Variants in STPG2 observed in about 807,000 individuals in gnomAD.
STPG2 encodes sperm tail PG-rich repeat containing 2.
A neutral mutation model predicts 54.2 loss-of-function variants in STPG2; 56 were observed. The observed-to-expected ratio is 1.03, with a 90% CI of 0.83 to 1.29. The LOEUF is 1.29. Ranked by LOEUF, STPG2 falls within the 50% of genes most tolerant of loss-of-function variation. STPG2 has a pLI of 0.00. For synonymous variants in STPG2, 200 were observed against 181.8 expected (o/e 1.10, Z -0.81); for missense variants, 596 against 544.9 (o/e 1.09, Z -0.93).
intron 4 of STPG2, among the ~76,000 whole-genome samples, chr4:97,512,554 TGA>T (rs921766996): frequency 2.7e-5 from 4 of 148,030 alleles, no homozygotes; most frequent in African/African-American, 7.5e-5. Flanking sequence ...GAAAAGAAAC[TGA>T]GAAGAAGGGA....
At chr4:97,739,532 A>T (rs1385493274) in intron 9 of STPG2, among the ~76,000 whole-genome samples, 1 of 152,248 alleles carries the variant, frequency 6.6e-6, no homozygotes, top group Non-Finnish European at 1.5e-5. Flanking sequence ...TAAAGGGGAT[A>T]TCACCACTGG....
At chr4:97,968,609 C>T (rs1019155135) in intron 7 of STPG2, among the ~76,000 whole-genome samples, 1 of 152,086 alleles carries the variant, frequency 6.6e-6, no homozygotes. Context: ...GGCTTCATCC[C>T]TGAGATGCAA....
chr4:97,771,217 G>C (rs954528325), intron 9 of STPG2, among the ~76,000 whole-genome samples: 21 of 152,130 alleles, frequency 1.4e-4, no homozygotes, highest in African/African-American at 5.1e-4. Context: ...TCAATATCAG[G>C]TCAATCCAGA....
At chr4:98,070,512 G>C (rs1230680200) in intron 5 of STPG2, among the ~76,000 whole-genome samples, 1 of 151,940 alleles carries the variant, frequency 6.6e-6, no homozygotes, top group African/African-American at 2.4e-5. Flanking sequence ...AGAAGTTCTG[G>C]CCAGGGCAAT....
rs188040858 is a variant in STPG2 at position 97,444,441 on chromosome 4, T to C, written c.463-256608A>G. On this transcript the variant is annotated intron_variant, in intron 4 of 4. Transcript: ENST00000522676. ...ACATTACCTTCAAAGGAAAGACACT[T>C]CATTAGAAACTATAGAGGGCAGAAA... is the stretch of plus-strand genomic sequence containing the variant. Among the ~76,000 whole-genome samples, 280 of 152,268 alleles carry C rather than the reference T, an allele frequency of 1.8e-3. 1 individual carries two copies. Among genetic ancestry groups the C allele is most frequent in the African/African-American group, 6.4e-3 (267 of 41,562 alleles).
rs1183626569 is a variant in STPG2 at position 97,949,637 on chromosome 4, A to C, written c.934-5630T>G. Among the ~76,000 whole-genome samples, 3 of 151,890 alleles carry C rather than the reference A, an allele frequency of 2.0e-5. No individual in the cohort carries two copies. The East Asian group carries it at 5.8e-4, about 29-fold the overall frequency. ...GTTTTCTCAGCACTTATTTGTCTGAAAATGACGTAGTTTTGCTGGATACAA... is the reference window on the plus strand; with the variant it reads ...GTTTTCTCAGCACTTATTTGTCTGACAATGACGTAGTTTTGCTGGATACAA... On this transcript the variant is annotated intron_variant, in intron 7 of 10. Transcript: ENST00000295268.
chr4:98,043,349 T>C (rs1196682233), intron 5 of STPG2, among the ~76,000 whole-genome samples: 1 of 152,086 alleles, frequency 6.6e-6, no homozygotes, highest in Non-Finnish European at 1.5e-5. Flanking sequence ...TTAATAAAGA[T>C]TTACTATTGC....
intron 5 of STPG2, among the ~76,000 whole-genome samples, chr4:98,099,107 G>A (rs554686779): frequency 3.3e-5 from 5 of 151,982 alleles, no homozygotes; most frequent in Non-Finnish European, 4.4e-5. Flanking sequence ...CAACCCCACT[G>A]CTAGGCATAC....
At chr4:97,486,829 G>GTATATATA (rs1290804763) in intron 4 of STPG2, among the ~76,000 whole-genome samples, 8 of 90,204 alleles carry the variant, frequency 8.9e-5, no homozygotes, top group African/African-American at 2.7e-4. Context: ...GTGTGTGTGT[G>GTATATATA]TATATATATA....
intron 4 of STPG2, among the ~76,000 whole-genome samples, chr4:98,106,783 T>C (rs1486475918): frequency 6.6e-6 from 1 of 152,166 alleles, no homozygotes; most frequent in African/African-American, 2.4e-5. Context: ...GTTAATGCCA[T>C]ACATGGCTCA....
chr4:98,068,625 C>T (rs1241316448), intron 5 of STPG2, among the ~76,000 whole-genome samples: 1 of 152,082 alleles, frequency 6.6e-6, no homozygotes, highest in Non-Finnish European at 1.5e-5. Context: ...TGGGTCCAGA[C>T]TCAAACAATG....
chr4:97,714,459 G>A (rs1724227505), intron 9 of STPG2, among the ~76,000 whole-genome samples: 1 of 152,000 alleles, frequency 6.6e-6, no homozygotes, highest in East Asian at 1.9e-4. Flanking sequence ...GGACATCCAG[G>A]CTCTAGCCCA....
intron 9 of STPG2, among the ~76,000 whole-genome samples, chr4:97,736,452 T>C (rs555010690): frequency 6.6e-6 from 1 of 152,270 alleles, no homozygotes; most frequent in South Asian, 2.1e-4. Context: ...TTCCCTTTCC[T>C]AGTCAAAGAA....
At chr4:97,757,163 C>T (rs542267715) in intron 9 of STPG2, among the ~76,000 whole-genome samples, 1 of 152,224 alleles carries the variant, frequency 6.6e-6, no homozygotes, top group Admixed American at 6.5e-5. Flanking sequence ...ACGTATTGCC[C>T]ATGAAGTTGA....
intron 9 of STPG2, among the ~76,000 whole-genome samples, chr4:97,815,009 G>C (rs897523669): frequency 6.6e-6 from 1 of 151,986 alleles, no homozygotes. Context: ...TTGTTATTAA[G>C]GTCAATGCAA....
At chr4:97,786,094 A>G (rs1181943955) in intron 9 of STPG2, among the ~76,000 whole-genome samples, 3 of 152,160 alleles carry the variant, frequency 2.0e-5, no homozygotes, top group African/African-American at 2.4e-5. Flanking sequence ...AAGCTTATAT[A>G]TAACAATCAA....
chr4:97,774,375 C>T (rs2149065006), intron 9 of STPG2, among the ~76,000 whole-genome samples: 1 of 152,204 alleles, frequency 6.6e-6, no homozygotes, highest in Middle Eastern at 3.4e-3. Context: ...TTTTATGGCC[C>T]AGTGAACCAT....
chr4:97,676,648 T>C (rs918885140), intron 10 of STPG2, among the ~76,000 whole-genome samples: 2 of 152,114 alleles, frequency 1.3e-5, no homozygotes, highest in African/African-American at 2.4e-5. Context: ...ACCCTTGCCC[T>C]GGTTTCAGTA....
chr4:98,054,240 C>G (rs896309852), intron 5 of STPG2, among the ~76,000 whole-genome samples: 3 of 152,050 alleles, frequency 2.0e-5, no homozygotes. Context: ...ATAATCAAAT[C>G]ACAACGCATA....
Sources: allele counts gnomAD v4.1 joint callset (sites outside exome capture counted in the v4.1 genomes callset), GRCh38; gene constraint gnomAD v4.1.1; transcripts MANE v1.5; gene names NCBI Gene and HGNC (gene_info 2026-07-23, HGNC 2026-07-21).